Variants in ZNF837 observed in about 807,000 individuals in gnomAD.
The protein encoded by ZNF837 is zinc finger protein 837.
For missense variants in ZNF837, 955 were observed against 801.7 expected (o/e 1.19, Z -2.31); for synonymous variants, 475 against 365.2 (o/e 1.30, Z -3.43).
At chr19:58,375,160 G>C (rs1369859143) in intron 1 of ZNF837, among the ~76,000 whole-genome samples, 2 of 145,630 alleles carry the variant, frequency 1.4e-5, no homozygotes, top group African/African-American at 5.1e-5. Flanking sequence ...TTGAGAGGCT[G>C]AGGCAGAATT....
In ZNF837 at chr19:58,375,295, TATATATATATATATATAA is replaced by T. The variant is rs1289217711; in HGVS notation, c.-139-5385_-139-5368del. On this transcript the variant is annotated intron_variant, in intron 1 of 2. Transcript: ENST00000597582. ...GTATATATATATATATATATATATA[TATATATATATATATATAA>T]AATTACATATATACTTAAGAGTATA... Among the ~76,000 whole-genome samples, 200 of 78,588 alleles carry T rather than the reference TATATATATATATATATAA, an allele frequency of 2.5e-3. 17 individuals are homozygous for T. In the East Asian group the frequency reaches 0.076, roughly 30 times the overall value. The allele number at this position is 78,588 out of a possible 152,430, so 51.6% of individuals were successfully genotyped here.
At chr19:58,375,922 T>C (rs1162063749) in intron 1 of ZNF837, among the ~76,000 whole-genome samples, 2 of 149,442 alleles carry the variant, frequency 1.3e-5, no homozygotes, top group Non-Finnish European at 3.0e-5. Flanking sequence ...TATTTTATTA[T>C]TTATTTATTT....
chr19:58,377,369 T>G (rs552022522), intron 1 of ZNF837, among the ~76,000 whole-genome samples: 1 of 149,950 alleles, frequency 6.7e-6, no homozygotes, highest in Non-Finnish European at 1.5e-5. Flanking sequence ...TAGCCAGGTG[T>G]GGTGGTGGGC....
rs7255916 is a variant in ZNF837, at chr19:58,368,649, G to C, written c.684C>G (p.Ala228=). The change falls in exon 3 of 3, where the codon GCC becomes GCG. Residue 228 remains alanine, a synonymous_variant. Coordinates refer to ENST00000597582, the MANE Select transcript of ZNF837 (RefSeq NM_138466.2). The stretch of plus-strand genomic sequence containing the variant: ...TGGGGCGGAAGCGCTTCCCGCACCG[G>C]GCACACGGACGGGGCTCCTCCGTCG... ...LQATEEPRPC[A]RCGKRFRPNQ... 0.084 allele frequency: 129,255 copies of C among 1,529,810 alleles called. 7,827 individuals are homozygous for C. Among genetic ancestry groups the C allele is most frequent in the East Asian group, 0.35 (14,053 of 40,728 alleles). The allele number at this position is 1,529,810 out of a possible 1,614,324, so 94.8% of individuals were successfully genotyped here.
chr19:58,376,600 AGAAAAAAGG>A (rs2052249873), intron 1 of ZNF837, among the ~76,000 whole-genome samples: 1 of 142,676 alleles, frequency 7.0e-6, no homozygotes, highest in African/African-American at 2.6e-5. Context: ...AAGAAAGAAA[AGAAAAAAGG>A]AAAAAAAAAG....
At chr19:58,376,099 A>G (rs941067612) in intron 1 of ZNF837, among the ~76,000 whole-genome samples, 5 of 151,678 alleles carry the variant, frequency 3.3e-5, no homozygotes, top group African/African-American at 4.8e-5. Flanking sequence ...TTGTATTTTC[A>G]GTAGAGATGA....
Position 58,368,483 on chromosome 19 carries a change from A to G in ZNF837, c.850T>C (p.Ser284Pro). Reference sequence around the variant, plus strand: ...ATGCGCTGGTGCTGCAGCAGGCTGGAGGTGCGCGTGAAGGCCTTGCCGCAC... The same window carrying G: ...ATGCGCTGGTGCTGCAGCAGGCTGGGGGTGCGCGTGAAGGCCTTGCCGCAC... ...DECGKAFTRT[S>P]SLLQHQRIHT... The change falls in exon 3 of 3, where the codon TCC becomes CCC. Residue 284 changes from serine to proline, a missense_variant. Ser to Pro is a moderately conservative substitution (Grantham distance 74, BLOSUM62 -1). Transcript: ENST00000597582. 2 of 1,563,380 alleles carry G rather than the reference A, an allele frequency of 1.3e-6. No homozygotes were observed. The highest frequency in any genetic ancestry group is 1.2e-5 in the South Asian group (1 of 85,422).
chr19:58,371,857 G>A (rs2052204882), intron 1 of ZNF837, among the ~76,000 whole-genome samples: 1 of 151,772 alleles, frequency 6.6e-6, no homozygotes, highest in African/African-American at 2.4e-5. Context: ...GAGTAGCTGG[G>A]ATTACAGGTG....
chr19:58,381,028 A>C lies in ZNF837; in HGVS notation c.-227T>G, dbSNP rs1210154688. On this transcript the variant is annotated 5_prime_UTR_variant, in exon 1 of 3. Transcript: ENST00000597582. ...CCCGCCACCTCCGGGCCGCCGCGGCACTGAGGGACCCGGGCCACAGCAAGC... is the reference window on the plus strand; with the variant it reads ...CCCGCCACCTCCGGGCCGCCGCGGCCCTGAGGGACCCGGGCCACAGCAAGC... 6.6e-6 allele frequency: 1 copy of C among 152,264 alleles called. No homozygotes were observed. Among genetic ancestry groups the C allele is most frequent in the South Asian group, 2.1e-4 (1 of 4,836 alleles). 9.4% of individuals were successfully genotyped at this position (152,264 alleles called of 1,614,324 possible). A position where few individuals can be genotyped will look rare whatever the true frequency, so the allele number is the denominator to read the frequency against.
intron 1 of ZNF837, among the ~76,000 whole-genome samples, chr19:58,374,433 A>C (rs761002338): frequency 1.6e-4 from 24 of 152,364 alleles, no homozygotes; most frequent in Non-Finnish European, 1.5e-4. Context: ...GAGTCACAAA[A>C]GACCACATAT....
chr19:58,372,652 T>G (rs1446187454), intron 1 of ZNF837, among the ~76,000 whole-genome samples: 1 of 152,240 alleles, frequency 6.6e-6, no homozygotes, highest in Non-Finnish European at 1.5e-5. Context: ...CAAGGACACT[T>G]CAGAGCGACT....
At chr19:58,369,484 G>A in intron 2 of ZNF837, 123 bp from the exon 3 acceptor site, 2 of 747,006 alleles carry the variant, frequency 2.7e-6, no homozygotes, top group Non-Finnish European at 3.7e-6. Context: ...CTCTGCAGAT[G>A]CGAAAGGGTA....
intron 1 of ZNF837, 52 bp downstream of exon 1, chr19:58,380,889 A>G (rs1043092847): frequency 2.5e-4 from 38 of 152,368 alleles, no homozygotes; most frequent in African/African-American, 8.4e-4. Context: ...ATGCGCCGGG[A>G]GGTCCCCGCC....
At chr19:58,371,698 C>A (rs1053623727) in intron 1 of ZNF837, among the ~76,000 whole-genome samples, 2 of 147,876 alleles carry the variant, frequency 1.4e-5, no homozygotes, top group Non-Finnish European at 3.0e-5. Context: ...CTGTGCAAGG[C>A]AGATATCCTC....
chr19:58,368,122 G>C lies in ZNF837; in HGVS notation c.1211C>G (p.Ser404Trp). Residue 404 changes from serine (S) to tryptophan (W), a missense_variant, in exon 3 of 3, where the codon TCG (serine) becomes TGG (tryptophan). Transcript: ENST00000597582. ...PECGKAFNQR[S>W]NLSRHQRTHS... Reference sequence around the variant, plus strand: ...AGTGCGCTGGTGCCGGCTCAGGTTCGAGCGCTGGTTGAAGGCCTTGCCGCA... The same window carrying C: ...AGTGCGCTGGTGCCGGCTCAGGTTCCAGCGCTGGTTGAAGGCCTTGCCGCA... The C allele has an allele frequency of 6.3e-7, 1 of 1,578,692 alleles. No homozygotes were observed. The highest frequency in any genetic ancestry group is 1.1e-5 in the South Asian group (1 of 87,192).
intron 1 of ZNF837, among the ~76,000 whole-genome samples, chr19:58,374,945 T>TCA: frequency 8.8e-6 from 1 of 113,782 alleles, no homozygotes; most frequent in South Asian, 2.9e-4. Context: ...AAAAAAAAAA[T>TCA]TATATATATA....
chr19:58,374,754 C>A (rs1437568545), intron 1 of ZNF837, among the ~76,000 whole-genome samples: 1 of 151,502 alleles, frequency 6.6e-6, no homozygotes, highest in Non-Finnish European at 1.5e-5. Context: ...GCCAAAATGT[C>A]GAAACCCCAT....
Position 58,367,724 on chromosome 19 carries a change from C to CG in ZNF837, c.*12dup, listed in dbSNP as rs1568564014. 6.7e-7 allele frequency: 1 copy of CG among 1,494,496 alleles called. No homozygotes were observed. Among genetic ancestry groups the CG allele is most frequent in the East Asian group, 2.5e-5 (1 of 40,122 alleles). 92.6% of individuals were successfully genotyped at this position (1,494,496 alleles called of 1,614,324 possible). ...TTCGCTTGGGCGACGCGTCGACTCT[C>CG]GGCTCCCTGCAGTCAAGGCGCGGCG... On this transcript the variant is annotated 3_prime_UTR_variant, in exon 3 of 3. Coordinates refer to ENST00000597582, the MANE Select transcript of ZNF837 (RefSeq NM_138466.2).
chr19:58,368,562 T>C lies in ZNF837; in HGVS notation c.771A>G (p.Arg257=). Residue 257 remains arginine, a synonymous_variant, in exon 3 of 3, where the codon CGA becomes CGG. Transcript: ENST00000597582. ...PVCPECGQTS[R]PRPIVPDPPA... is the part of the protein sequence containing the mutation. ...GGGGGTCGGGGACAATAGGGCGAGG[T>C]CGCGAGGTTTGGCCGCACTCAGGAC... The C allele has an allele frequency of 6.5e-7, 1 of 1,536,208 alleles. No homozygotes were observed.
Sources: gnomAD v4.1 joint callset for allele counts (sites outside exome capture counted in the v4.1 genomes callset) on GRCh38, gnomAD v4.1.1 for gene constraint, MANE v1.5 for transcripts, NCBI Gene and HGNC (gene_info 2026-07-23, HGNC 2026-07-21) for gene names.